Variants in SORCS2 observed in about 807,000 individuals in gnomAD.
The protein encoded by SORCS2 is VPS10 domain-containing receptor SorCS2.
In SORCS2, 100 loss-of-function variants were observed where a neutral mutation model predicts 141.6. That is an observed-to-expected ratio of 0.71 (90% confidence interval 0.60 to 0.83). The LOEUF is 0.83. SORCS2 is among the 40% of genes least tolerant of loss of function. The pLI, the probability that SORCS2 is intolerant of heterozygous loss-of-function variation, is 0.00. For missense variants in SORCS2, 1,646 were observed against 1,560.2 expected (o/e 1.05, Z -0.93); for synonymous variants, 789 against 676.9 (o/e 1.17, Z -2.57).
At chr4:7,457,124 T>G (rs1203148668) in intron 2 of SORCS2, among the ~76,000 whole-genome samples, 1 of 152,116 alleles carries the variant, frequency 6.6e-6, no homozygotes. Context: ...TTGACTGACA[T>G]CAGTCAACCA....
intron 1 of SORCS2, among the ~76,000 whole-genome samples, chr4:7,205,969 C>T (rs181967412): frequency 2.8e-3 from 419 of 152,302 alleles, no homozygotes; most frequent in African/African-American, 9.4e-3. Flanking sequence ...TTGCTTGAAC[C>T]TGGGATGTGG....
At chr4:7,262,638 G>A (rs1714438941) in intron 1 of SORCS2, among the ~76,000 whole-genome samples, 1 of 152,236 alleles carries the variant, frequency 6.6e-6, no homozygotes, top group Non-Finnish European at 1.5e-5. Context: ...GAAGCTGACT[G>A]GGGCACTTTG....
intron 18 of SORCS2, 85 bp from the exon 19 acceptor site, chr4:7,723,612 T>C (rs1161062610): frequency 7.0e-7 from 1 of 1,421,562 alleles, no homozygotes; most frequent in Admixed American, 1.8e-5. Context: ...AATGAATGAG[T>C]GAGTGAGTGA....
chr4:7,406,596 C>A (rs1450435919), intron 2 of SORCS2, among the ~76,000 whole-genome samples: 1 of 151,504 alleles, frequency 6.6e-6, no homozygotes, highest in Non-Finnish European at 1.5e-5. Context: ...TTTTTCATTT[C>A]TGATTTTATT....
intron 1 of SORCS2, among the ~76,000 whole-genome samples, chr4:7,250,253 AAG>A (rs1029541053): frequency 4.6e-5 from 7 of 152,040 alleles, no homozygotes; most frequent in African/African-American, 1.7e-4. Context: ...AAAAGAAAGA[AAG>A]AAAGAAAGAA....
At chr4:7,740,174 G>C in intron 26 of SORCS2, 26 bp from the exon 27 acceptor site, 1 of 1,596,624 alleles carries the variant, frequency 6.3e-7, no homozygotes, top group African/African-American at 1.3e-5. Flanking sequence ...TGTGCTCACG[G>C]GACCTGCGTC....
At chr4:7,303,609 C>T (rs1457770518) in intron 1 of SORCS2, among the ~76,000 whole-genome samples, 2 of 152,128 alleles carry the variant, frequency 1.3e-5, no homozygotes, top group Non-Finnish European at 2.9e-5. Flanking sequence ...GTCTTGGCAC[C>T]CTGCAAACCA....
intron 2 of SORCS2, among the ~76,000 whole-genome samples, chr4:7,469,934 A>G (rs1189009091): frequency 2.6e-5 from 4 of 152,196 alleles, no homozygotes; most frequent in Non-Finnish European, 5.9e-5. Context: ...TTATCAAACA[A>G]TGGGTCTTCA....
At chr4:7,656,260 C>G (rs1721768736) in intron 5 of SORCS2, among the ~76,000 whole-genome samples, 2 of 152,234 alleles carry the variant, frequency 1.3e-5, no homozygotes, top group African/African-American at 4.8e-5. Context: ...CCCCAGGTGC[C>G]CTGATACCTG....
chr4:7,382,227 C>G (rs1039813476), intron 1 of SORCS2, among the ~76,000 whole-genome samples: 2 of 152,130 alleles, frequency 1.3e-5, no homozygotes, highest in African/African-American at 4.8e-5. Context: ...GGGTCTTGGT[C>G]TCCAAAGGTC....
rs1483843800 is a variant in SORCS2 at position 7,580,044 on chromosome 4, T to G, written c.648+48415T>G. 2.6e-5 allele frequency among the ~76,000 whole-genome samples: 4 copies of G among 152,168 alleles called. 1 individual carries two copies. On this transcript the variant is annotated intron_variant, in intron 3 of 26. Transcript: ENST00000507866. ...TGTTTGTTTATGAGGGTATATAAATTGTAAATGGGTATTTGGCTAAAGCAA... is the reference window on the plus strand; with the variant it reads ...TGTTTGTTTATGAGGGTATATAAATGGTAAATGGGTATTTGGCTAAAGCAA...
chr4:7,338,823 G>A (rs1353200595), intron 1 of SORCS2, among the ~76,000 whole-genome samples: 1 of 152,184 alleles, frequency 6.6e-6, no homozygotes, highest in Non-Finnish European at 1.5e-5. Context: ...AATTCCTCTG[G>A]CCCAGAGGCC....
intron 3 of SORCS2, among the ~76,000 whole-genome samples, chr4:7,579,755 G>C (rs971053090): frequency 1.3e-5 from 2 of 152,172 alleles, no homozygotes; most frequent in Admixed American, 1.3e-4. Flanking sequence ...GTGTTAAGGA[G>C]TCTGCCTTCT....
intron 1 of SORCS2, among the ~76,000 whole-genome samples, chr4:7,204,859 A>G (rs1266767629): frequency 2.6e-5 from 4 of 152,186 alleles, no homozygotes; most frequent in Non-Finnish European, 5.9e-5. Context: ...CCAAGGGTGG[A>G]AAAGGAGACC....
intron 2 of SORCS2, among the ~76,000 whole-genome samples, chr4:7,526,489 C>A (rs75257857): frequency 6.6e-6 from 1 of 152,150 alleles, no homozygotes; most frequent in Non-Finnish European, 1.5e-5. Flanking sequence ...ATAAAAGGAT[C>A]GGTGGTTGCC....
chr4:7,305,033 CTT>C (rs748748182), intron 1 of SORCS2, among the ~76,000 whole-genome samples: 21 of 52,720 alleles, frequency 4.0e-4, no homozygotes, highest in Middle Eastern at 0.016. Context: ...TCTGGCTCTT[CTT>C]TTTTTTTTTT....
intron 3 of SORCS2, among the ~76,000 whole-genome samples, chr4:7,601,312 ATTTT>A (rs35696538): frequency 6.7e-6 from 1 of 148,554 alleles, no homozygotes; most frequent in Admixed American, 6.8e-5. Context: ...ATTAAACCTC[ATTTT>A]TTTTTTTAAG....
At chr4:7,732,580 T>C (rs1711790901) in intron 23 of SORCS2, among the ~76,000 whole-genome samples, 1 of 152,058 alleles carries the variant, frequency 6.6e-6, no homozygotes, top group African/African-American at 2.4e-5. Context: ...TCCTGGGATA[T>C]CCCTCCCTCA....
chr4:7,279,186 G>A lies in SORCS2; in HGVS notation c.480+86060G>A, dbSNP rs530408615. 6.6e-5 allele frequency among the ~76,000 whole-genome samples: 10 copies of A among 152,062 alleles called. No individual in the cohort carries two copies. The South Asian group carries it at 1.7e-3, about 25-fold the overall frequency. ...TACACCCCTCCTCCCTTTTTTGGTGGTGGTTCAAAAAGAGGAATTGAATGG... is the reference window on the plus strand; with the variant it reads ...TACACCCCTCCTCCCTTTTTTGGTGATGGTTCAAAAAGAGGAATTGAATGG... On this transcript the variant is annotated intron_variant, in intron 1 of 26. Coordinates refer to ENST00000507866, the MANE Select transcript of SORCS2 (RefSeq NM_020777.3).
Sources: gnomAD v4.1 joint callset for allele counts (sites outside exome capture counted in the v4.1 genomes callset) on GRCh38, gnomAD v4.1.1 for gene constraint, MANE v1.5 for transcripts, NCBI Gene and HGNC (gene_info 2026-07-23, HGNC 2026-07-21) for gene names.